The following FRAS1 variants were observed in gnomAD, a reference collection of about 807,000 sequenced individuals.
FRAS1 encodes the protein extracellular matrix organizing protein FRAS1.
Under a neutral mutation model 435.2 loss-of-function variants are expected in FRAS1, and 290 were observed. That is an observed-to-expected ratio of 0.67 (90% confidence interval 0.61 to 0.73). The LOEUF (loss-of-function observed/expected upper bound fraction) is 0.73. Ranked by LOEUF, FRAS1 falls within the 30% of genes least tolerant of loss-of-function variation. The pLI is 0.00. For missense variants in FRAS1, 4,860 were observed against 5,001.5 expected, an observed-to-expected ratio of 0.97 and a Z score of 0.85; for synonymous variants, 1,800 against 1,851.0, an observed-to-expected ratio of 0.97 and a Z score of 0.71.
chr4:78,071,171 A>G (rs750463763), intron 2 of FRAS1: 1 of 152,216 alleles, frequency 6.6e-6, no homozygotes, highest in Non-Finnish European at 1.5e-5. Flanking sequence ...TTGACTATAT[A>G]TAACACTGCA....
Position 78,324,628 on chromosome 4 carries a change from A to G in FRAS1, c.2137+5642A>G, listed in dbSNP as rs1729643598. 2.6e-5 allele frequency among the ~76,000 whole-genome samples: 4 copies of G among 151,868 alleles called. No homozygotes were observed. The South Asian group carries it at 8.3e-4, about 31-fold the overall frequency. On this transcript the variant is annotated intron_variant, in intron 18 of 73. Coordinates refer to ENST00000512123, the MANE Select transcript of FRAS1 (RefSeq NM_025074.7). ...GAACCAAGTAAAGAATGATTTAGCA[A>G]TGAGGGATCCTGGGTTCTAATATAG... is the stretch of plus-strand genomic sequence containing the variant.
chr4:78,099,765 A>G (rs991456658), intron 2 of FRAS1, among the ~76,000 whole-genome samples: 6 of 152,206 alleles, frequency 3.9e-5, no homozygotes, highest in African/African-American at 1.4e-4. Context: ...TATGTTGGAT[A>G]TAAATGAGGC....
chr4:78,465,676 G>A (rs1162401139), intron 49 of FRAS1, among the ~76,000 whole-genome samples: 1 of 152,086 alleles, frequency 6.6e-6, no homozygotes, highest in Non-Finnish European at 1.5e-5. Flanking sequence ...AGGAACCCTG[G>A]GACTAGGTCA....
intron 26 of FRAS1, among the ~76,000 whole-genome samples, chr4:78,378,053 C>T (rs1469522852): frequency 6.6e-6 from 1 of 152,040 alleles, no homozygotes; most frequent in Non-Finnish European, 1.5e-5. Flanking sequence ...AAGGAAATCC[C>T]ATAATATTAG....
chr4:78,286,586 C>T (rs1727619719), intron 14 of FRAS1, 47 bp downstream of exon 14: 1 of 1,594,454 alleles, frequency 6.3e-7, no homozygotes. Flanking sequence ...AAGACAGCTC[C>T]CCAACCCTGA....
chr4:78,256,069 T>C (rs905433901), intron 6 of FRAS1, among the ~76,000 whole-genome samples: 3 of 152,210 alleles, frequency 2.0e-5, no homozygotes, highest in Non-Finnish European at 4.4e-5. Flanking sequence ...GCTCATTTTT[T>C]GATCTAAGGA....
intron 19 of FRAS1, among the ~76,000 whole-genome samples, chr4:78,334,558 A>G (rs1166258492): frequency 2.0e-5 from 3 of 150,076 alleles, no homozygotes; most frequent in Non-Finnish European, 4.4e-5. Flanking sequence ...TTTAGTAGAG[A>G]CAGGGTTTCA....
chr4:78,134,157 G>A (rs1465898883), intron 2 of FRAS1, among the ~76,000 whole-genome samples: 5 of 151,714 alleles, frequency 3.3e-5, no homozygotes, highest in Non-Finnish European at 5.9e-5. Flanking sequence ...GTGGGGTTTC[G>A]AGACGGGCTA....
intron 73 of FRAS1, 49 bp from the exon 74 acceptor site, chr4:78,540,482 A>G (rs777805906): frequency 3.2e-6 from 4 of 1,234,430 alleles, no homozygotes; most frequent in Non-Finnish European, 4.5e-6. Context: ...TCCTTTCTTC[A>G]GAGGTGGTCT....
At chr4:78,466,514 C>A in intron 50 of FRAS1, 79 bp downstream of exon 50, 1 of 1,048,648 alleles carries the variant, frequency 9.5e-7, no homozygotes, top group Non-Finnish European at 1.4e-6. Context: ...ATCAAGCATA[C>A]CATTGTTTGA....
intron 2 of FRAS1, among the ~76,000 whole-genome samples, chr4:78,151,693 C>T (rs1720670121): frequency 6.6e-6 from 1 of 152,112 alleles, no homozygotes; most frequent in South Asian, 2.1e-4. Context: ...AAGACATTTT[C>T]TTAAATATAC....
chr4:78,539,999 G>A (rs1651340341), intron 73 of FRAS1, among the ~76,000 whole-genome samples: 3 of 152,250 alleles, frequency 2.0e-5, no homozygotes. Flanking sequence ...GAAGATGAGG[G>A]GGAGATAAAA....
At chr4:78,100,273 G>A (rs980325058) in intron 2 of FRAS1, among the ~76,000 whole-genome samples, 1 of 152,162 alleles carries the variant, frequency 6.6e-6, no homozygotes, top group African/African-American at 2.4e-5. Flanking sequence ...CCATTCTTGA[G>A]GGTACTCCAG....
intron 2 of FRAS1, among the ~76,000 whole-genome samples, chr4:78,217,075 A>G (rs1723799778): frequency 7.2e-6 from 1 of 138,640 alleles, no homozygotes; most frequent in Non-Finnish European, 1.6e-5. Context: ...AAAGATAGCT[A>G]GATAACTAGA....
At chr4:78,455,892 C>A (rs573247295) in intron 47 of FRAS1, among the ~76,000 whole-genome samples, 11 of 152,258 alleles carry the variant, frequency 7.2e-5, no homozygotes, top group African/African-American at 2.6e-4. Context: ...AGCTAAGCTG[C>A]TGGACCAAGG....
At chr4:78,101,025 TG>T (rs1394817462) in intron 2 of FRAS1, among the ~76,000 whole-genome samples, 1 of 152,124 alleles carries the variant, frequency 6.6e-6, no homozygotes, top group Non-Finnish European at 1.5e-5. Context: ...TGGGATGGTA[TG>T]GAAACATAGG....
At chr4:78,117,181 G>T (rs1048404318) in intron 2 of FRAS1, among the ~76,000 whole-genome samples, 7 of 152,202 alleles carry the variant, frequency 4.6e-5, no homozygotes, top group Non-Finnish European at 8.8e-5. Context: ...CTGGCTTGTA[G>T]AGTTTCTGCC....
At chr4:78,289,100 A>G (rs1455738834) in intron 14 of FRAS1, among the ~76,000 whole-genome samples, 4 of 152,154 alleles carry the variant, frequency 2.6e-5, no homozygotes, top group African/African-American at 9.7e-5. Flanking sequence ...ATTCATGTTC[A>G]CTATGTTGAA....
intron 59 of FRAS1, among the ~76,000 whole-genome samples, chr4:78,492,654 A>C (rs563672975): frequency 6.6e-6 from 1 of 152,352 alleles, no homozygotes; most frequent in African/African-American, 2.4e-5. Flanking sequence ...CTCAGGATGG[A>C]TTGAAGACTT....
Sources: allele counts gnomAD v4.1 joint callset (sites outside exome capture counted in the v4.1 genomes callset), GRCh38; gene constraint gnomAD v4.1.1; transcripts MANE v1.5; gene names NCBI Gene and HGNC (gene_info 2026-07-23, HGNC 2026-07-21).